Variants in ZSCAN25 observed in about 807,000 individuals in gnomAD.
The protein encoded by ZSCAN25 is zinc finger and SCAN domain containing 25.
A neutral mutation model predicts 38.7 loss-of-function variants in ZSCAN25; 27 were observed. That is an observed-to-expected ratio of 0.70 (90% CI 0.51 to 0.96). The LOEUF (loss-of-function observed/expected upper bound fraction) is 0.96. Ranked by LOEUF, ZSCAN25 falls within the 40% of genes least tolerant of loss-of-function variation. The pLI is 0.00. For missense variants in ZSCAN25, 637 were observed against 705.9 expected, an observed-to-expected ratio of 0.90 and a Z score of 1.11; for synonymous variants, 273 against 277.7, an observed-to-expected ratio of 0.98 and a Z score of 0.17.
rs1274525173 is a variant in ZSCAN25, at chr7:99,617,814, A to G, written c.-258-711A>G. 2.0e-5 allele frequency among the ~76,000 whole-genome samples: 3 copies of G among 152,334 alleles called. No homozygotes were observed. The East Asian group carries it at 5.8e-4, about 29-fold the overall frequency. On this transcript the variant is annotated intron_variant, in intron 1 of 7. Transcript: ENST00000394152. ...CAATGGGGCAATTTCTATTTGTCAA[A>G]TGGCAGAGATAAAAGATGAATGAGG...
At chr7:99,724,685 C>G in the ZSCAN25 span, among the ~76,000 whole-genome samples, 1 of 152,208 alleles carries the variant, frequency 6.6e-6, no homozygotes, top group African/African-American at 2.4e-5. Flanking sequence ...AGTTTCATTC[C>G]GAGACTAGCC....
At chr7:99,723,724 C>G in the ZSCAN25 span, among the ~76,000 whole-genome samples, 1 of 152,188 alleles carries the variant, frequency 6.6e-6, no homozygotes, top group Non-Finnish European at 1.5e-5. Flanking sequence ...TAAGCGGCCT[C>G]TTTTTATTCT....
chr7:99,705,853 T>G, the ZSCAN25 span, among the ~76,000 whole-genome samples: 2 of 152,208 alleles, frequency 1.3e-5, no homozygotes, highest in East Asian at 3.8e-4. Context: ...TGAGACAAAT[T>G]CATGGGAACC....
the ZSCAN25 span, among the ~76,000 whole-genome samples, chr7:99,681,897 AAG>A: frequency 1.3e-5 from 2 of 152,180 alleles, no homozygotes; most frequent in East Asian, 1.9e-4. Context: ...CAATATCCTG[AAG>A]AGTTTCCACA....
chr7:99,639,696 G>T, the ZSCAN25 span, among the ~76,000 whole-genome samples: 1 of 152,252 alleles, frequency 6.6e-6, no homozygotes, highest in African/African-American at 2.4e-5. Context: ...GCACTATGGT[G>T]AGAGCAGTTT....
At chr7:99,722,305 T>G in the ZSCAN25 span, 2 of 1,613,624 alleles carry the variant, frequency 1.2e-6, no homozygotes, top group Non-Finnish European at 8.5e-7. Flanking sequence ...CCCCCAGACT[T>G]TTCTATACTT....
chr7:99,697,993 A>G, the ZSCAN25 span, among the ~76,000 whole-genome samples: 11 of 152,168 alleles, frequency 7.2e-5, no homozygotes, highest in Non-Finnish European at 2.9e-5. Flanking sequence ...CCAAGGAAAG[A>G]TCTAGGTGAG....
the ZSCAN25 span, among the ~76,000 whole-genome samples, chr7:99,706,348 T>C: frequency 0.082 from 12,475 of 152,256 alleles, 716 homozygotes; most frequent in Non-Finnish European, 0.13. Context: ...TTCCCCATCC[T>C]AGGTGTGCCA....
At chr7:99,700,655 G>A in the ZSCAN25 span, among the ~76,000 whole-genome samples, 1 of 152,064 alleles carries the variant, frequency 6.6e-6, no homozygotes, top group Non-Finnish European at 1.5e-5. Flanking sequence ...GTGGGTTTCT[G>A]TGCCTGTTTC....
At chr7:99,698,774 T>C in the ZSCAN25 span, among the ~76,000 whole-genome samples, 1 of 152,198 alleles carries the variant, frequency 6.6e-6, no homozygotes, top group African/African-American at 2.4e-5. Context: ...AGAAGGAACA[T>C]GCTGGAAATA....
the ZSCAN25 span, chr7:99,647,545 C>G: frequency 1.0e-6 from 1 of 985,212 alleles, no homozygotes; most frequent in East Asian, 1.1e-4. Context: ...TCCTGTGTTC[C>G]AGAAATGTCA....
chr7:99,679,433 A>G, the ZSCAN25 span, among the ~76,000 whole-genome samples: 3,382 of 152,244 alleles, frequency 0.022, 58 homozygotes, highest in Non-Finnish European at 0.034. Flanking sequence ...CAAAAATGCA[A>G]GCCACTCCTT....
the ZSCAN25 span, among the ~76,000 whole-genome samples, chr7:99,726,634 G>T: frequency 2.6e-5 from 4 of 152,148 alleles, no homozygotes; most frequent in Non-Finnish European, 5.9e-5. Context: ...CTGCCACAAG[G>T]CTTCTGGGAC....
At chr7:99,730,904 G>C in the ZSCAN25 span, 2 of 963,488 alleles carry the variant, frequency 2.1e-6, no homozygotes. Context: ...GAGAGCCCCA[G>C]GGTAAACTTT....
chr7:99,730,190 A>T, the ZSCAN25 span, among the ~76,000 whole-genome samples: 1 of 152,220 alleles, frequency 6.6e-6, no homozygotes, highest in African/African-American at 2.4e-5. Flanking sequence ...CAAAGTCCCC[A>T]GTCCATGAGG....
At chr7:99,679,083 C>G in the ZSCAN25 span, among the ~76,000 whole-genome samples, 3 of 152,222 alleles carry the variant, frequency 2.0e-5, no homozygotes, top group Non-Finnish European at 2.9e-5. Context: ...TAATCCTAGC[C>G]TCCCAGAGAC....
chr7:99,681,589 T>A, the ZSCAN25 span, among the ~76,000 whole-genome samples: 1 of 152,278 alleles, frequency 6.6e-6, no homozygotes, highest in African/African-American at 2.4e-5. Flanking sequence ...CATATGCCTA[T>A]GTGGCATTTG....
chr7:99,687,778 C>T, the ZSCAN25 span, among the ~76,000 whole-genome samples: 19 of 152,144 alleles, frequency 1.2e-4, no homozygotes, highest in Admixed American at 1.0e-3. Flanking sequence ...AGAGAAAGGT[C>T]GGGTTACCCA....
downstream of ZSCAN25, among the ~76,000 whole-genome samples, chr7:99,635,948 G>A (rs1429002013): frequency 2.6e-5 from 4 of 151,048 alleles, no homozygotes; most frequent in South Asian, 8.4e-4. Flanking sequence ...TTGGGAGGCT[G>A]AGGCAGGAGA....
Sources: allele counts gnomAD v4.1 joint callset (sites outside exome capture counted in the v4.1 genomes callset), GRCh38; gene constraint gnomAD v4.1.1; transcripts MANE v1.5; gene names NCBI Gene and HGNC (gene_info 2026-07-23, HGNC 2026-07-21).